Variants in DKK2 observed in about 807,000 individuals in gnomAD.
DKK2 encodes dickkopf-related protein 2.
Under a neutral mutation model 28.1 loss-of-function variants are expected in DKK2, and 11 were observed. That is an observed-to-expected ratio of 0.39 (90% confidence interval 0.25 to 0.65). The LOEUF (loss-of-function observed/expected upper bound fraction) is 0.65, where lower values mean the gene tolerates loss of function less well. DKK2 is among the 30% of genes least tolerant of loss of function. The pLI is 0.47. For missense variants in DKK2, 326 were observed against 335.5 expected (o/e 0.97, Z 0.22); for synonymous variants, 135 against 126.5 (o/e 1.07, Z -0.45).
intron 1 of DKK2, among the ~76,000 whole-genome samples, chr4:107,006,123 A>G (rs1372178062): frequency 6.6e-6 from 1 of 152,256 alleles, no homozygotes; most frequent in African/African-American, 2.4e-5. Context: ...TCTAGAAAGC[A>G]ATCAAAATGC....
intron 1 of DKK2, among the ~76,000 whole-genome samples, chr4:106,998,943 G>T (rs1177839158): frequency 6.6e-6 from 1 of 152,170 alleles, no homozygotes; most frequent in Non-Finnish European, 1.5e-5. Context: ...AGGAACAACA[G>T]AGGTGTTAAA....
chr4:106,985,098 A>C (rs1313773519), intron 1 of DKK2, among the ~76,000 whole-genome samples: 2 of 151,890 alleles, frequency 1.3e-5, no homozygotes, highest in African/African-American at 4.8e-5. Context: ...AGTCCCAGCT[A>C]CTAGGCAGGC....
chr4:107,026,614 G>A (rs534873992), intron 1 of DKK2, among the ~76,000 whole-genome samples: 4 of 152,076 alleles, frequency 2.6e-5, no homozygotes, highest in Non-Finnish European at 5.9e-5. Context: ...GCATTCTTTC[G>A]GCACCCGTGA....
chr4:106,997,468 A>G (rs1303909797), intron 1 of DKK2, among the ~76,000 whole-genome samples: 1 of 152,182 alleles, frequency 6.6e-6, no homozygotes, highest in African/African-American at 2.4e-5. Context: ...ATATGCGAAT[A>G]GATTCAACTC....
intron 1 of DKK2, among the ~76,000 whole-genome samples, chr4:106,981,728 A>T (rs1464571653): frequency 6.6e-6 from 1 of 152,062 alleles, no homozygotes; most frequent in Non-Finnish European, 1.5e-5. Flanking sequence ...ATCTTTTTGG[A>T]TGCTACTCAA....
intron 1 of DKK2, among the ~76,000 whole-genome samples, chr4:107,029,793 T>A (rs1723848994): frequency 6.6e-6 from 1 of 152,172 alleles, no homozygotes; most frequent in Non-Finnish European, 1.5e-5. Flanking sequence ...TTTTTAAAAT[T>A]GTAGATTTGT....
At chr4:106,970,743 GA>G in intron 1 of DKK2, among the ~76,000 whole-genome samples, 1 of 152,176 alleles carries the variant, frequency 6.6e-6, no homozygotes, top group Middle Eastern at 3.4e-3. Flanking sequence ...CTGATCATTG[GA>G]AAATCTTTAA....
At chr4:106,947,509 GAA>G (rs1396012848) in intron 1 of DKK2, among the ~76,000 whole-genome samples, 1 of 152,032 alleles carries the variant, frequency 6.6e-6, no homozygotes, top group Non-Finnish European at 1.5e-5. Flanking sequence ...CAGGAAAAAT[GAA>G]AAGAGGTAAG....
chr4:106,941,190 C>T (rs113304446), intron 1 of DKK2, among the ~76,000 whole-genome samples: 31 of 152,032 alleles, frequency 2.0e-4, no homozygotes, highest in African/African-American at 6.0e-4. Flanking sequence ...CAGAACTCTA[C>T]CTAACTGATC....
At chr4:106,965,007 T>TGATA (rs1722751090) in intron 1 of DKK2, among the ~76,000 whole-genome samples, 1 of 126,172 alleles carries the variant, frequency 7.9e-6, no homozygotes, top group Non-Finnish European at 1.7e-5. Context: ...ATAGATAGAT[T>TGATA]GATTGATTCT....
chr4:107,003,269 GA>G (rs1248803255), intron 1 of DKK2, among the ~76,000 whole-genome samples: 1 of 152,216 alleles, frequency 6.6e-6, no homozygotes, highest in Non-Finnish European at 1.5e-5. Flanking sequence ...ACTACTAGAA[GA>G]TTCCGTCTTT....
chr4:106,959,034 AG>A (rs1410034878), intron 1 of DKK2, among the ~76,000 whole-genome samples: 1 of 151,568 alleles, frequency 6.6e-6, no homozygotes, highest in African/African-American at 2.4e-5. Context: ...TGAATATAAA[AG>A]ATGAAAGATA....
At position 106,982,697 on chromosome 4, in the gene DKK2, G is replaced by A. The variant is rs149911765; in HGVS notation, c.222+52673C>T. On this transcript the variant is annotated intron_variant, in intron 1 of 3. Transcript: ENST00000285311. ...ATGTTTATAGAAACAAAAAGCCACAGTGAAAATACTGTAGGTTATGTAAAG... is the reference window on the plus strand; with the variant it reads ...ATGTTTATAGAAACAAAAAGCCACAATGAAAATACTGTAGGTTATGTAAAG... Among the ~76,000 whole-genome samples, 557 of 152,174 alleles carry A rather than the reference G, an allele frequency of 3.7e-3. 1 individual carries two copies. Among genetic ancestry groups the A allele is most frequent in the Non-Finnish European group, 4.0e-3 (272 of 68,010 alleles).
At chr4:107,035,275 C>T (rs1217672969) in intron 1 of DKK2, 95 bp downstream of exon 1, 6 of 1,415,616 alleles carry the variant, frequency 4.2e-6, no homozygotes, top group African/African-American at 2.8e-5. Flanking sequence ...TGGGGCCACG[C>T]TCCGAATGTT....
intron 1 of DKK2, among the ~76,000 whole-genome samples, chr4:106,957,102 A>G (rs2110348798): frequency 6.6e-6 from 1 of 152,346 alleles, no homozygotes; most frequent in Non-Finnish European, 1.5e-5. Flanking sequence ...GGACATGAAC[A>G]GACACGTCTC....
In DKK2 at chr4:107,017,001, A is replaced by G. The variant is rs143990819; in HGVS notation, c.222+18369T>C. ...GGTATTTAAAGCTGGAAGACCATTA[A>G]GTCACAAAAGGAGCGACTAGAGATG... On this transcript the variant is annotated intron_variant, in intron 1 of 3. Coordinates refer to ENST00000285311, the MANE Select transcript of DKK2 (RefSeq NM_014421.3). Among the ~76,000 whole-genome samples, 244 of 152,122 alleles carry G rather than the reference A, an allele frequency of 1.6e-3. 1 individual carries two copies. Among genetic ancestry groups the G allele is most frequent in the African/African-American group, 5.6e-3 (231 of 41,538 alleles).
Position 107,035,644 on chromosome 4 carries a change from C to A in DKK2, c.-53G>T, listed in dbSNP as rs901523378. 4 of 1,595,260 alleles carry A rather than the reference C, an allele frequency of 2.5e-6. No homozygotes were observed. The African/African-American group carries it at 5.4e-5, about 21-fold the overall frequency. On this transcript the variant is annotated 5_prime_UTR_variant, in exon 1 of 4. Coordinates refer to ENST00000285311, the MANE Select transcript of DKK2 (RefSeq NM_014421.3). ...CGCAAAGCCCGGAGGGGTGGGAATG[C>A]AAAGGGAGGGAGGACCCCAACACGG...
intron 1 of DKK2, among the ~76,000 whole-genome samples, chr4:106,985,535 A>G (rs927971470): frequency 1.3e-5 from 2 of 152,152 alleles, no homozygotes; most frequent in Non-Finnish European, 2.9e-5. Flanking sequence ...GGGGCCAGGC[A>G]TGGTGGCTCA....
At chr4:106,942,081 G>T (rs1273835758) in intron 1 of DKK2, among the ~76,000 whole-genome samples, 1 of 152,094 alleles carries the variant, frequency 6.6e-6, no homozygotes, top group African/African-American at 2.4e-5. Context: ...TGTTCTGTTT[G>T]AATGCTTTGC....
Sources: gnomAD v4.1 joint callset for allele counts (sites outside exome capture counted in the v4.1 genomes callset) on GRCh38, gnomAD v4.1.1 for gene constraint, MANE v1.5 for transcripts, NCBI Gene and HGNC (gene_info 2026-07-23, HGNC 2026-07-21) for gene names.